SVEP1: variants seen among roughly 807,000 people sequenced by gnomAD.
The protein encoded by SVEP1 is sushi, von Willebrand factor type A, EGF and pentraxin domain-containing protein 1.
In SVEP1, 164 loss-of-function variants were observed where a neutral mutation model predicts 367.3. The observed-to-expected ratio is 0.45, with a 90% CI of 0.39 to 0.51. SVEP1 has a LOEUF of 0.51. SVEP1 is among the 20% of genes least tolerant of loss of function. The pLI is 0.00. For missense variants in SVEP1, 4,117 were observed against 4,425.3 expected, an observed-to-expected ratio of 0.93 and a Z score of 1.98; for synonymous variants, 1,666 against 1,611.6, an observed-to-expected ratio of 1.03 and a Z score of -0.81.
chr9:110,514,063 T>A lies in SVEP1; in HGVS notation c.1008A>T (p.Gly336=), dbSNP rs1829762262. 6.2e-7 allele frequency: 1 copy of A among 1,611,544 alleles called. No homozygotes were observed. The change falls in exon 4 of 48, where the codon GGA becomes GGT. Residue 336 remains glycine (G), a synonymous_variant. Transcript: ENST00000374469. ...CAGGACATGGAATGCAACTGCTGAT[T>A]CCTCCTGGTGAGCCTTCAGGTTTGT... The part of the protein sequence containing the change: ...GTYKPEGSPG[G]ISSCIPCPDE...
intron 14 of SVEP1, among the ~76,000 whole-genome samples, chr9:110,474,417 G>C (rs75126632): frequency 6.6e-6 from 1 of 152,038 alleles, no homozygotes; most frequent in African/African-American, 2.4e-5. Flanking sequence ...ATGTTACACC[G>C]ATCTTGTGAC....
At chr9:110,396,368 T>C (rs1185214667) in intron 40 of SVEP1, among the ~76,000 whole-genome samples, 1 of 152,108 alleles carries the variant, frequency 6.6e-6, no homozygotes. Context: ...GGGAAATTTA[T>C]AGCACTAAAT....
At chr9:110,465,779 G>A in intron 18 of SVEP1, 86 bp downstream of exon 18, 2 of 1,459,924 alleles carry the variant, frequency 1.4e-6, no homozygotes, top group Non-Finnish European at 1.9e-6. Flanking sequence ...TAGAGTAGAT[G>A]TATGTTTTTG....
At chr9:110,388,919 AGGTTGCACTACTGCACTCCACCCT>A (rs1354548178) in intron 41 of SVEP1, among the ~76,000 whole-genome samples, 1 of 151,748 alleles carries the variant, frequency 6.6e-6, no homozygotes, top group Non-Finnish European at 1.5e-5. Context: ...CAGTGAGCTG[AGGTTGCACTACTGCACTCCACCCT>A]GGGTGACAGA....
chr9:110,398,510 A>G (rs1827805288), intron 40 of SVEP1, among the ~76,000 whole-genome samples: 1 of 152,252 alleles, frequency 6.6e-6, no homozygotes, highest in Non-Finnish European at 1.5e-5. Context: ...ATTAAACTAA[A>G]GAGCTTCTGC....
At position 110,430,419 on chromosome 9, in the gene SVEP1, C is replaced by G; in HGVS notation, c.5385G>C (p.Pro1795=). 6.2e-7 allele frequency: 1 copy of G among 1,612,638 alleles called. No individual in the cohort carries two copies. The change falls in exon 33 of 48, where the codon CCG becomes CCC. Residue 1795 remains proline, a synonymous_variant. Coordinates refer to ENST00000374469, the MANE Select transcript of SVEP1 (RefSeq NM_153366.4). The part of the protein sequence containing the change: ...EPIKCKAPGN[P]ENGHSSGEIY... ...TCTCACCTGAGGAGTGGCCATTTTC[C>G]GGATTTCCTGGAGCCTTACATTTTA...
At chr9:110,410,638 A>AAGTT (rs1467587432) in intron 37 of SVEP1, among the ~76,000 whole-genome samples, 3 of 152,242 alleles carry the variant, frequency 2.0e-5, no homozygotes, top group Non-Finnish European at 2.9e-5. Context: ...AAAATGCAGA[A>AAGTT]AGTTATATAC....
rs1438758569 is a variant in SVEP1 at position 110,579,066 on chromosome 9, T to C, written c.478A>G (p.Ile160Val). ...TAGGTGCCGCCACCTCGGTAGGAGA[T>C]GGCAGGGATCTCTTGGAGGAGCAGC... ...CALLLQEIPA[I>V]SYRGGGTYTK... The change falls in exon 1 of 48, where the codon ATC becomes GTC. Residue 160 changes from isoleucine (I) to valine (V), a missense_variant. Physicochemically the swap from Ile to Val is conservative, Grantham distance 29. Around this residue, in one of 4 missense-constraint regions of SVEP1, gnomAD observed 2,174 missense variants for 2,494.3 expected, o/e 0.87. Coordinates refer to ENST00000374469, the MANE Select transcript of SVEP1 (RefSeq NM_153366.4). The surrounding 1 kb of genome is among the most constrained non-coding windows in gnomAD (Gnocchi z 5.3). The C allele has an allele frequency of 6.5e-7, 1 of 1,550,060 alleles. No individual in the cohort carries two copies. Among genetic ancestry groups the C allele is most frequent in the Non-Finnish European group, 8.7e-7 (1 of 1,147,022 alleles).
intron 1 of SVEP1, among the ~76,000 whole-genome samples, chr9:110,567,949 T>TG (rs1325872467): frequency 6.6e-6 from 1 of 152,230 alleles, no homozygotes; most frequent in Non-Finnish European, 1.5e-5. Context: ...TGGCAGTGAC[T>TG]GACATGAGGT....
intron 1 of SVEP1, among the ~76,000 whole-genome samples, chr9:110,551,857 T>A (rs373401586): frequency 3.3e-5 from 5 of 151,786 alleles, no homozygotes; most frequent in African/African-American, 1.2e-4. Context: ...CTCTCCACAC[T>A]CTCTCCACAC....
chr9:110,566,612 A>G (rs1405076410), intron 1 of SVEP1, among the ~76,000 whole-genome samples: 1 of 152,190 alleles, frequency 6.6e-6, no homozygotes, highest in Admixed American at 6.5e-5. Flanking sequence ...CTGGTAGGAC[A>G]TGGGATTAGG....
chr9:110,571,022 G>A (rs1206673817), intron 1 of SVEP1, among the ~76,000 whole-genome samples: 1 of 149,018 alleles, frequency 6.7e-6, no homozygotes, highest in Non-Finnish European at 1.5e-5. Context: ...TGTCGCCTGG[G>A]CTGGAGTTCA....
intron 41 of SVEP1, 46 bp from the exon 42 acceptor site, chr9:110,387,504 C>A: frequency 6.6e-7 from 1 of 1,507,974 alleles, no homozygotes; most frequent in Non-Finnish European, 8.8e-7. Flanking sequence ...TCCCCAATTC[C>A]TCTTTCCTTC....
intron 40 of SVEP1, among the ~76,000 whole-genome samples, chr9:110,390,088 TAC>T (rs1245875829): frequency 0.025 from 3,389 of 135,960 alleles, 70 homozygotes; most frequent in African/African-American, 0.049. Context: ...CGTGTATATA[TAC>T]ACATACATAC....
At chr9:110,398,480 A>G (rs1377630111) in intron 40 of SVEP1, among the ~76,000 whole-genome samples, 2 of 152,254 alleles carry the variant, frequency 1.3e-5, no homozygotes, top group African/African-American at 4.8e-5. Context: ...ACAAAAGCCA[A>G]AATTGACAAA....
intron 44 of SVEP1, among the ~76,000 whole-genome samples, chr9:110,378,693 C>T (rs1168939240): frequency 7.2e-6 from 1 of 138,958 alleles, no homozygotes; most frequent in African/African-American, 2.7e-5. Context: ...TCCTGAATGG[C>T]AGGTGGGAAT....
intron 18 of SVEP1, among the ~76,000 whole-genome samples, chr9:110,462,351 T>A (rs1275567961): frequency 6.6e-6 from 1 of 152,044 alleles, no homozygotes; most frequent in Non-Finnish European, 1.5e-5. Context: ...AAAATAAATT[T>A]GCATGTGCAA....
At chr9:110,560,218 G>A (rs1830409682) in intron 1 of SVEP1, among the ~76,000 whole-genome samples, 1 of 152,028 alleles carries the variant, frequency 6.6e-6, no homozygotes, top group African/African-American at 2.4e-5. Flanking sequence ...TACTGTAAGG[G>A]CTTATAGCCT....
At position 110,579,356 on chromosome 9, in the gene SVEP1, C is replaced by T. The variant is rs779654262; in HGVS notation, c.188G>A (p.Arg63Gln). 3 of 1,555,700 alleles carry T rather than the reference C, an allele frequency of 1.9e-6. No homozygotes were observed. Among genetic ancestry groups the T allele is most frequent in the South Asian group, 1.2e-5 (1 of 84,714 alleles). The change falls in exon 1 of 48, where the codon CGG (arginine) becomes CAG (glutamine). Residue 63 changes from arginine to glutamine, a missense_variant. Physicochemically the swap from Arg to Gln is conservative, Grantham distance 43. Transcript: ENST00000374469. This position sits in a 1 kb window ranked among gnomAD's most constrained non-coding sequence, Gnocchi z 5.3. ...GCGTCGCCGGAACGCCTGGCCCAGC[C>T]GCTCCACTCTGCTCCCCGCCGCTTC... Reference protein sequence around the residue: ...GDEAAGSRVERLGQAFRRRVR... With the variant: ...GDEAAGSRVEQLGQAFRRRVR...
Sources: allele counts gnomAD v4.1 joint callset (sites outside exome capture counted in the v4.1 genomes callset), GRCh38; gene constraint gnomAD v4.1.1; regional missense constraint gnomAD v4.1.1; non-coding constraint Gnocchi (gnomAD v3.1); transcripts MANE v1.5; gene names NCBI Gene and HGNC (gene_info 2026-07-23, HGNC 2026-07-21).